IRX4: variants seen among roughly 807,000 people sequenced by gnomAD.
IRX4 encodes iroquois homeobox 4.
In IRX4, 22 loss-of-function variants were observed where a neutral mutation model predicts 32.0. The ratio of observed to expected loss-of-function variants is 0.69; its 90% CI spans 0.49 to 0.98. The LOEUF is 0.98. IRX4 is among the 50% of genes least tolerant of loss of function. The probability of loss-of-function intolerance (pLI) is 0.00; values close to 1 mark genes in which losing one functional copy is unlikely to be tolerated. For synonymous variants in IRX4, 379 were observed against 351.7 expected (o/e 1.08, Z -0.87); for missense variants, 840 against 744.2 (o/e 1.13, Z -1.50).
upstream of IRX4, among the ~76,000 whole-genome samples, chr5:1,883,794 T>G (rs1159627180): frequency 6.6e-6 from 1 of 151,854 alleles, no homozygotes; most frequent in Non-Finnish European, 1.5e-5. Context: ...GGCTTCCCCC[T>G]GCCCCTCGCG....
rs1466719902 is a variant in IRX4, at chr5:1,878,408, G to C, written c.1121C>G (p.Thr374Arg). 1 of 1,525,532 alleles carries C rather than the reference G, an allele frequency of 6.6e-7. No homozygotes were observed. The highest frequency in any genetic ancestry group is 8.8e-7 in the Non-Finnish European group (1 of 1,140,902). 94.5% of individuals were successfully genotyped at this position (1,525,532 alleles called of 1,614,324 possible). Residue 374 changes from threonine (T) to arginine (R), a missense_variant, in exon 5 of 5, where the codon ACA (threonine) becomes AGA (arginine). Thr to Arg is a moderately conservative substitution (Grantham distance 71). Coordinates refer to ENST00000231357, the MANE Select transcript of IRX4 (RefSeq NM_016358.3). ...AKPRIWSLAHTATAAAAAATS... is the reference protein window; with the variant it reads ...AKPRIWSLAHRATAAAAAATS... ...GGCGGCGGCGGCGGCGGCGGTGGCT[G>C]TGTGGGCCAGGGACCAGATGCGCGG...
chr5:1,881,993 C>G lies in IRX4; in HGVS notation c.112G>C (p.Gly38Arg), dbSNP rs985479725. The G allele has an allele frequency of 1.3e-6, 2 of 1,548,976 alleles. No individual in the cohort carries two copies. The highest frequency in any genetic ancestry group is 1.7e-6 in the Non-Finnish European group (2 of 1,146,848). The change falls in exon 2 of 5, where the codon GGG (glycine) becomes CGG (arginine). Residue 38 changes from glycine to arginine, a missense_variant. By Grantham distance (125) the Gly-to-Arg change is moderately radical (BLOSUM62 -2). Around this residue, in one of 3 missense-constraint regions of IRX4, gnomAD observed 241 missense variants for 220.8 expected, o/e 1.09. Transcript: ENST00000231357. ...ESGGRTLADS[G>R]PAASAQAPVY... ...GGCGCCTGGGCCGAGGCGGCGGGCCCGGAGTCCGCCAGCGTGCGGCCTCCG... is the reference window on the plus strand; with the variant it reads ...GGCGCCTGGGCCGAGGCGGCGGGCCGGGAGTCCGCCAGCGTGCGGCCTCCG...
At position 1,880,811 on chromosome 5, in the gene IRX4, A is replaced by T; in HGVS notation, c.321T>A (p.Gly107=). The part of the protein sequence containing the change: ...YSLNSFDSKD[G]SGSAHGGLAP... The stretch of plus-strand genomic sequence containing the variant: ...CCAGGCCCCCATGCGCAGATCCCGA[A>T]CCATCCTTGGAATCAAAGCTGTTCT... Residue 107 remains glycine (G), a synonymous_variant, in exon 3 of 5, where the codon GGT becomes GGA. Coordinates refer to ENST00000231357, the MANE Select transcript of IRX4 (RefSeq NM_016358.3). 1 of 1,613,636 alleles carries T rather than the reference A, an allele frequency of 6.2e-7. No individual in the cohort carries two copies. Among genetic ancestry groups the T allele is most frequent in the East Asian group, 2.2e-5 (1 of 44,856 alleles).
intron 1 of IRX4, 101 bp downstream of exon 1, chr5:1,882,502 G>A (rs924739369): frequency 2.3e-5 from 24 of 1,036,182 alleles, no homozygotes; most frequent in Non-Finnish European, 3.2e-5. Flanking sequence ...TAGCTCGGAA[G>A]CCGCAGGCAG....
rs760036969 is a variant in IRX4 at position 1,880,851 on chromosome 5, T to A, written c.298-17A>T. The stretch of plus-strand genomic sequence containing the variant: ...AAAGCTGTTCTGTGGGAGCCAAGAG[T>A]CTGGGGTCGCAGTTTCCAGGGAGGC... On this transcript the variant is annotated splice_polypyrimidine_tract_variant and intron_variant, in intron 2 of 4. Coordinates refer to ENST00000231357, the MANE Select transcript of IRX4 (RefSeq NM_016358.3). 1.2e-6 allele frequency: 2 copies of A among 1,603,304 alleles called. No individual in the cohort carries two copies. Among genetic ancestry groups the A allele is most frequent in the African/African-American group, 2.7e-5 (2 of 74,482 alleles).
At chr5:1,879,397 G>A (rs1165278799) in intron 4 of IRX4, 107 bp downstream of exon 4, 3 of 1,550,688 alleles carry the variant, frequency 1.9e-6, no homozygotes, top group Non-Finnish European at 2.6e-6. Context: ...TGACCGCCTA[G>A]GCATGGGGCT....
chr5:1,881,693 G>A (rs1471136481), intron 2 of IRX4, 115 bp downstream of exon 2: 9 of 1,308,264 alleles, frequency 6.9e-6, no homozygotes, highest in Non-Finnish European at 9.6e-6. Flanking sequence ...GCCAAGGTGA[G>A]CGCCTCCCCT....
chr5:1,878,621 G>C lies in IRX4; in HGVS notation c.908C>G (p.Ala303Gly). The change falls in exon 5 of 5, where the codon GCG (alanine) becomes GGG (glycine). Residue 303 changes from alanine to glycine, a missense_variant. By Grantham distance (60) the Ala-to-Gly change is moderately conservative. This residue lies in a region of IRX4 where 585 missense variants were observed against 488.0 expected (regional missense o/e 1.20). Transcript: ENST00000231357. Reference protein sequence around the residue: ...PDGPVKEASGALRMSLAAGGG... With the variant: ...PDGPVKEASGGLRMSLAAGGG... ...ACCCGCGGCCAGAGACATCCGGAGC[G>C]CGCCTGAGGCCTCCTTGACCGGGCC... The C allele has an allele frequency of 6.4e-7, 1 of 1,571,714 alleles. No individual in the cohort carries two copies. The highest frequency in any genetic ancestry group is 8.6e-7 in the Non-Finnish European group (1 of 1,159,580).
chr5:1,885,171 A>G (rs944937375), upstream of IRX4, among the ~76,000 whole-genome samples: 23 of 152,290 alleles, frequency 1.5e-4, 1 homozygote, highest in African/African-American at 5.1e-4. Context: ...GCAACAGCTC[A>G]GCCCACCCAG....
At chr5:1,884,114 AG>A (rs869131477), upstream of IRX4, 1 of 126,550 alleles carries the variant, frequency 7.9e-6, no homozygotes, top group African/African-American at 2.9e-5. Context: ...GGGGGCGGCA[AG>A]GGGGCGCCCG....
intron 2 of IRX4, among the ~76,000 whole-genome samples, chr5:1,881,445 G>A (rs1156933396): frequency 6.6e-6 from 1 of 151,856 alleles, no homozygotes; most frequent in African/African-American, 2.4e-5. Context: ...AGGACAGGAA[G>A]AGGGAGGCCA....
rs1251847707 is a variant in IRX4 at position 1,878,533 on chromosome 5, G to A, written c.996C>T (p.Ala332=). The A allele has an allele frequency of 3.5e-6, 5 of 1,447,268 alleles. No homozygotes were observed. Among genetic ancestry groups the A allele is most frequent in the East Asian group, 2.7e-5 (1 of 37,394 alleles). 89.7% of individuals were successfully genotyped at this position (1,447,268 alleles called of 1,614,324 possible). Residue 332 remains alanine, a synonymous_variant, in exon 5 of 5, where the codon GCC becomes GCT. Coordinates refer to ENST00000231357, the MANE Select transcript of IRX4 (RefSeq NM_016358.3). ...CTGCGCCCGGCAGTGGCTCCGGCCC[G>A]GCCGCCGCGCTGCGGAGACAGCTCC... ...RARSCLRSAA[A]GPEPLPGAEG... is the part of the protein sequence containing the mutation.
In IRX4 at chr5:1,879,554, C is replaced by CCCTCCT; in HGVS notation, c.680_685dup (p.Glu227_Glu228dup). The CCCTCCT allele has an allele frequency of 6.2e-7, 1 of 1,613,084 alleles. No individual in the cohort carries two copies. Among genetic ancestry groups the CCCTCCT allele is most frequent in the Admixed American group, 1.7e-5 (1 of 59,996 alleles). ...CTCCTCCCGCGCCTCCTCCTCGCCC[C>CCCTCCT]CCTCCTCCTCCTCGCCCTCCGCGTA... On this transcript the variant is annotated inframe_insertion, in exon 4 of 5. Transcript: ENST00000231357.
Position 1,882,728 on chromosome 5 carries a change from G to C in IRX4, c.-81C>G. On this transcript the variant is annotated 5_prime_UTR_variant, in exon 1 of 5. Transcript: ENST00000231357. Reference sequence around the variant, plus strand: ...CCGGCGTGGCGCGGCCACTGCTCCGGAGCTGCAGGCTTCTAGGCGCTGGGA... The same window carrying C: ...CCGGCGTGGCGCGGCCACTGCTCCGCAGCTGCAGGCTTCTAGGCGCTGGGA... 1.1e-6 allele frequency: 1 copy of C among 910,154 alleles called. No homozygotes were observed. The highest frequency in any genetic ancestry group is 1.5e-6 in the Non-Finnish European group (1 of 657,444). 56.4% of individuals were successfully genotyped at this position (910,154 alleles called of 1,614,324 possible).
upstream of IRX4, chr5:1,884,094 CAGGCGGCAAGG>C (rs548534661): frequency 2.0e-5 from 3 of 151,820 alleles, no homozygotes; most frequent in Non-Finnish European, 4.4e-5. Flanking sequence ...GGCCAGTGAG[CAGGCGGCAAGG>C]GGGCGGCAAG....
chr5:1,878,430 G>C lies in IRX4; in HGVS notation c.1099C>G (p.Arg367Gly). Residue 367 changes from arginine (R) to glycine (G), a missense_variant, in exon 5 of 5, where the codon CGC becomes GGC. By Grantham distance (125) the Arg-to-Gly change is moderately radical (BLOSUM62 -2). Around this residue, in one of 3 missense-constraint regions of IRX4, gnomAD observed 585 missense variants for 488.0 expected, o/e 1.20. Transcript: ENST00000231357. Reference protein sequence around the residue: ...GASAGLEAKPRIWSLAHTATA... With the variant: ...GASAGLEAKPGIWSLAHTATA... Reference sequence around the variant, plus strand: ...GCTGTGTGGGCCAGGGACCAGATGCGCGGCTTAGCCTCCAGGCCTGCCGAC... The same window carrying C: ...GCTGTGTGGGCCAGGGACCAGATGCCCGGCTTAGCCTCCAGGCCTGCCGAC... 1 of 1,512,912 alleles carries C rather than the reference G, an allele frequency of 6.6e-7. No individual in the cohort carries two copies. The highest frequency in any genetic ancestry group is 1.7e-4 in the Middle Eastern group (1 of 5,872). 93.7% of individuals were successfully genotyped at this position (1,512,912 alleles called of 1,614,324 possible). A position where few individuals can be genotyped will look rare whatever the true frequency, so the allele number is the denominator to read the frequency against.
At position 1,882,071 on chromosome 5, in the gene IRX4, G is replaced by A. The variant is rs1198289486; in HGVS notation, c.46-12C>T. The A allele has an allele frequency of 2.2e-5, 34 of 1,549,288 alleles. No homozygotes were observed. Among genetic ancestry groups the A allele is most frequent in the Non-Finnish European group, 2.9e-5 (33 of 1,148,960 alleles). On this transcript the variant is annotated splice_polypyrimidine_tract_variant and intron_variant, in intron 1 of 4. Transcript: ENST00000231357. ...GTGGCCATCAAGAACTGCAGAGAGA[G>A]GCCGCGAGGACTGGCGGGAAGCCGG...
rs757479890 is a variant in IRX4 at position 1,878,788 on chromosome 5, G to C, written c.741C>G (p.Pro247=). 4 of 1,613,034 alleles carry C rather than the reference G, an allele frequency of 2.5e-6. No individual in the cohort carries two copies. The highest frequency in any genetic ancestry group is 1.3e-5 in the African/African-American group (1 of 74,928). Residue 247 remains proline, a synonymous_variant, in exon 5 of 5, where the codon CCC becomes CCG. Transcript: ENST00000231357. ...CCAGCTCCTTCTCCTCTTTGCCCAC[G>C]GGCTCTGCGGGAGAGAATGCGTGGC... ...EPLKSSKNAE[P]VGKEEKELEL...
At position 1,878,416 on chromosome 5, in the gene IRX4, C is replaced by T. The variant is rs1167693184; in HGVS notation, c.1113G>A (p.Leu371=). 2.0e-6 allele frequency: 3 copies of T among 1,523,248 alleles called. No individual in the cohort carries two copies. Among genetic ancestry groups the T allele is most frequent in the African/African-American group, 1.4e-5 (1 of 72,524 alleles). The allele number at this position is 1,523,248 out of a possible 1,614,324, so 94.4% of individuals were successfully genotyped here. A position where few individuals can be genotyped will look rare whatever the true frequency, so the allele number is the denominator to read the frequency against. Residue 371 remains leucine, a synonymous_variant, in exon 5 of 5, where the codon CTG becomes CTA. Coordinates refer to ENST00000231357, the MANE Select transcript of IRX4 (RefSeq NM_016358.3). ...CGGCGGCGGCGGTGGCTGTGTGGGC[C>T]AGGGACCAGATGCGCGGCTTAGCCT... The part of the protein sequence containing the change: ...GLEAKPRIWS[L]AHTATAAAAA...
Sources: gnomAD v4.1 joint callset for allele counts (sites outside exome capture counted in the v4.1 genomes callset) on GRCh38, gnomAD v4.1.1 for gene constraint, gnomAD v4.1.1 regional missense constraint, MANE v1.5 for transcripts, NCBI Gene and HGNC (gene_info 2026-07-23, HGNC 2026-07-21) for gene names.